GRIN2A: variants seen among roughly 807,000 people sequenced by gnomAD.
The protein encoded by GRIN2A is glutamate ionotropic receptor NMDA type subunit 2A, also known as glutamate receptor ionotropic, NMDA 2A.
GRIN2A carries 22 observed loss-of-function variants against 113.4 expected under a neutral mutation model. That is an observed-to-expected ratio of 0.19 (90% CI 0.14 to 0.28). GRIN2A has a LOEUF of 0.28. Ranked by LOEUF, GRIN2A falls within the 10% of genes least tolerant of loss-of-function variation. The pLI is 1.00. For synonymous variants in GRIN2A, 827 were observed against 738.4 expected, an observed-to-expected ratio of 1.12 and a Z score of -1.94; for missense variants, 1,502 against 1,887.0, an observed-to-expected ratio of 0.80 and a Z score of 3.78.
At position 10,109,893 on chromosome 16, in the gene GRIN2A, A is replaced by ATT. The variant is rs199714817; in HGVS notation, c.414+70103_414+70104dup. ...ACTATGTACCCACAAAAAAAATAAA[A>ATT]TTTTTTTTAATTTTATTATTATTAT... On this transcript the variant is annotated intron_variant, in intron 2 of 12. Transcript: ENST00000330684. 4.0e-5 allele frequency among the ~76,000 whole-genome samples: 6 copies of ATT among 151,542 alleles called. No homozygotes were observed. In the East Asian group the frequency reaches 1.2e-3, roughly 29 times the overall value.
chr16:9,895,577 A>G (rs746041138), intron 3 of GRIN2A, among the ~76,000 whole-genome samples: 42 of 152,250 alleles, frequency 2.8e-4, no homozygotes, highest in Non-Finnish European at 4.3e-4. Context: ...TAGTAACGCA[A>G]GCAAGGAATA....
chr16:10,012,556 C>T (rs376464946), intron 2 of GRIN2A, among the ~76,000 whole-genome samples: 4 of 152,132 alleles, frequency 2.6e-5, no homozygotes, highest in African/African-American at 7.2e-5. Context: ...AGAACAATGG[C>T]CCCCAAAGGT....
chr16:10,173,711 GA>G (rs2050089299), intron 2 of GRIN2A, among the ~76,000 whole-genome samples: 1 of 152,084 alleles, frequency 6.6e-6, no homozygotes. Flanking sequence ...ATTAATGGTG[GA>G]AAAAGAGAGA....
rs1382785363 is a variant in GRIN2A, at chr16:9,761,420, T to G, written c.*1729A>C. ...AGGCGAGTCTACATTAGCTTAGTGT[T>G]TCCGTAATGGCCCAAAACAGACTGA... On this transcript the variant is annotated 3_prime_UTR_variant, in exon 13 of 13. Coordinates refer to ENST00000330684, the MANE Select transcript of GRIN2A (RefSeq NM_001134407.3). The G allele has an allele frequency of 4.3e-6, 1 of 231,404 alleles. No homozygotes were observed. The highest frequency in any genetic ancestry group is 6.1e-5 in the East Asian group (1 of 16,290). 14.3% of individuals were successfully genotyped at this position (231,404 alleles called of 1,614,324 possible).
At chr16:10,168,211 G>T (rs2049964297) in intron 2 of GRIN2A, among the ~76,000 whole-genome samples, 1 of 152,084 alleles carries the variant, frequency 6.6e-6, no homozygotes, top group Non-Finnish European at 1.5e-5. Context: ...ATTTATATAT[G>T]TGTGTGTGAG....
Position 9,754,247 on chromosome 16 carries a change from AAATTTGTTTTGGCAGGGG to A in GRIN2A, c.*8884_*8901del, listed in dbSNP as rs1462515812. ...ATTAATTCAGCAGGTTTATGCTTTT[AAATTTGTTTTGGCAGGGG>A]AATGAACAAGATTAAGATTCATAGT... On this transcript the variant is annotated 3_prime_UTR_variant, in exon 13 of 13. Transcript: ENST00000330684. 1 of 196,036 alleles carries A rather than the reference AAATTTGTTTTGGCAGGGG, an allele frequency of 5.1e-6. No homozygotes were observed. The highest frequency in any genetic ancestry group is 2.3e-5 in the African/African-American group (1 of 43,274). 12.1% of individuals were successfully genotyped at this position (196,036 alleles called of 1,614,324 possible). A position where few individuals can be genotyped will look rare whatever the true frequency, so the allele number is the denominator to read the frequency against.
At chr16:9,908,408 G>GC (rs2044069055) in intron 3 of GRIN2A, among the ~76,000 whole-genome samples, 1 of 124,490 alleles carries the variant, frequency 8.0e-6, no homozygotes, top group African/African-American at 3.5e-5. Flanking sequence ...AAAGAATATA[G>GC]CTTTTTTTTC....
chr16:9,945,413 A>G (rs563301325), intron 2 of GRIN2A, among the ~76,000 whole-genome samples: 2 of 152,260 alleles, frequency 1.3e-5, no homozygotes, highest in South Asian at 2.1e-4. Context: ...GAACAGAAGG[A>G]AAGTCAGAAC....
chr16:10,018,284 G>T (rs2046646961), intron 2 of GRIN2A, among the ~76,000 whole-genome samples: 1 of 152,174 alleles, frequency 6.6e-6, no homozygotes, highest in Admixed American at 6.5e-5. Flanking sequence ...ACAGTGGTGG[G>T]TGTTATAAGA....
At chr16:10,111,315 AGCAGCAGCG>A (rs1487778903) in intron 2 of GRIN2A, 9 of 384,022 alleles carry the variant, frequency 2.3e-5, no homozygotes, top group Admixed American at 3.7e-5. Context: ...CCACAGCGTC[AGCAGCAGCG>A]GCAGCAGCGG....
intron 3 of GRIN2A, among the ~76,000 whole-genome samples, chr16:9,891,873 G>C (rs766327799): frequency 6.6e-6 from 1 of 152,178 alleles, no homozygotes; most frequent in Non-Finnish European, 1.5e-5. Flanking sequence ...AGGTGAGGCT[G>C]AGAAGATGAA....
In GRIN2A at chr16:9,912,552, G is replaced by C. The variant is rs139776826; in HGVS notation, c.1008-21452C>G. On this transcript the variant is annotated intron_variant, in intron 3 of 12. Transcript: ENST00000330684. Reference sequence around the variant, plus strand: ...TAGTACAAAGAAGTGGTTAAGAACAGAAGCTTTGGACTTAAGAGTCCTTGC... The same window carrying C: ...TAGTACAAAGAAGTGGTTAAGAACACAAGCTTTGGACTTAAGAGTCCTTGC... 7.9e-5 allele frequency among the ~76,000 whole-genome samples: 12 copies of C among 152,062 alleles called. No homozygotes were observed. In the East Asian group the frequency reaches 1.7e-3, roughly 22 times the overall value.
intron 2 of GRIN2A, among the ~76,000 whole-genome samples, chr16:10,079,790 G>C (rs1567283669): frequency 1.3e-5 from 2 of 152,216 alleles, no homozygotes. Context: ...AGCCCAAACA[G>C]ACTAAGAAAG....
chr16:9,796,463 TGCC>T (rs1413650923), intron 11 of GRIN2A, among the ~76,000 whole-genome samples: 2 of 152,214 alleles, frequency 1.3e-5, no homozygotes, highest in African/African-American at 4.8e-5. Context: ...TCCACACTAT[TGCC>T]ATAAAACTTC....
At chr16:9,929,785 G>A (rs901528742) in intron 3 of GRIN2A, among the ~76,000 whole-genome samples, 2 of 152,172 alleles carry the variant, frequency 1.3e-5, no homozygotes, top group African/African-American at 4.8e-5. Context: ...ATAGATCAAT[G>A]TGCCTTTTTG....
At chr16:9,885,805 A>G (rs556536068) in intron 4 of GRIN2A, among the ~76,000 whole-genome samples, 1 of 152,332 alleles carries the variant, frequency 6.6e-6, no homozygotes, top group East Asian at 1.9e-4. Context: ...AAGCACACGG[A>G]GTTATTTCTG....
chr16:10,112,531 G>T, intron 2 of GRIN2A: 1 of 808,746 alleles, frequency 1.2e-6, no homozygotes, highest in Non-Finnish European at 2.2e-6. Context: ...CCACAGTGAT[G>T]ATGGGCTCCC....
At chr16:9,939,616 T>C (rs1596345919) in intron 2 of GRIN2A, among the ~76,000 whole-genome samples, 1 of 152,118 alleles carries the variant, frequency 6.6e-6, no homozygotes, top group East Asian at 1.9e-4. Flanking sequence ...CAAATCCCCA[T>C]AATGATCCTA....
chr16:10,060,957 G>T (rs992425549), intron 2 of GRIN2A, among the ~76,000 whole-genome samples: 2 of 152,182 alleles, frequency 1.3e-5, no homozygotes, highest in African/African-American at 2.4e-5. Flanking sequence ...CCCAATGTCG[G>T]TTCTCCTTTT....
Sources: allele counts gnomAD v4.1 joint callset (sites outside exome capture counted in the v4.1 genomes callset), GRCh38; gene constraint gnomAD v4.1.1; transcripts MANE v1.5; gene names NCBI Gene and HGNC (gene_info 2026-07-23, HGNC 2026-07-21).